LOXHD1: variants seen among roughly 807,000 people sequenced by gnomAD.
The protein encoded by LOXHD1 is lipoxygenase homology PLAT domains 1, also known as lipoxygenase homology domain-containing protein 1.
A neutral mutation model predicts 248.2 loss-of-function variants in LOXHD1; 205 were observed. The ratio of observed to expected loss-of-function variants is 0.83; its 90% CI spans 0.74 to 0.93. The LOEUF is 0.93. LOXHD1 is among the 40% of genes least tolerant of loss of function. LOXHD1 has a pLI of 0.00. For synonymous variants in LOXHD1, 1,113 were observed against 1,162.8 expected, an observed-to-expected ratio of 0.96 and a Z score of 0.87; for missense variants, 2,930 against 2,971.6, an observed-to-expected ratio of 0.99 and a Z score of 0.33.
At chr18:46,548,798 A>G (rs2036960201) in intron 21 of LOXHD1, among the ~76,000 whole-genome samples, 1 of 152,144 alleles carries the variant, frequency 6.6e-6, no homozygotes, top group Non-Finnish European at 1.5e-5. Context: ...AAAAAAGTCA[A>G]AGAGACAGAA....
chr18:46,542,194 G>A (rs1371490138), intron 24 of LOXHD1, among the ~76,000 whole-genome samples: 2 of 152,224 alleles, frequency 1.3e-5, no homozygotes, highest in African/African-American at 4.8e-5. Flanking sequence ...GATGACAGGA[G>A]AGTAGGGGGA....
At chr18:46,613,573 A>G (rs190891285) in intron 5 of LOXHD1, among the ~76,000 whole-genome samples, 2 of 152,170 alleles carry the variant, frequency 1.3e-5, no homozygotes, top group East Asian at 3.9e-4. Context: ...TTCTGGCCCT[A>G]GGACCTCTAG....
intron 36 of LOXHD1, among the ~76,000 whole-genome samples, chr18:46,507,003 C>T (rs949947757): frequency 1.3e-5 from 2 of 152,208 alleles, no homozygotes; most frequent in Non-Finnish European, 1.5e-5. Flanking sequence ...CCTCTGGGTG[C>T]CCTGTCTGCC....
intron 33 of LOXHD1, 82 bp downstream of exon 33, chr18:46,521,015 C>T (rs947236616): frequency 1.3e-5 from 19 of 1,467,396 alleles, no homozygotes; most frequent in Non-Finnish European, 1.7e-5. Flanking sequence ...CCTACTTCTT[C>T]CACTTCTGTC....
chr18:46,560,190 T>A lies in LOXHD1; in HGVS notation c.2954A>T (p.Glu985Val). The part of the protein sequence containing the change: ...EEEEFGPGMQ[E>V]VIEQHKFEAH... The stretch of plus-strand genomic sequence containing the variant: ...TTCGAACTTGTGCTGCTCAATCACC[T>A]CCTGCATCCCCGGCCCAAACTCCTC... Residue 985 changes from glutamate to valine, a missense_variant, in exon 19 of 41, where the codon GAG (glutamate) becomes GTG (valine). Glu to Val is a moderately radical substitution (Grantham distance 121). Transcript: ENST00000642948. 1 of 1,551,576 alleles carries A rather than the reference T, an allele frequency of 6.4e-7. No individual in the cohort carries two copies. The highest frequency in any genetic ancestry group is 8.7e-7 in the Non-Finnish European group (1 of 1,146,982).
intron 14 of LOXHD1, among the ~76,000 whole-genome samples, chr18:46,572,439 A>G (rs1252050425): frequency 6.6e-6 from 1 of 152,092 alleles, no homozygotes; most frequent in Non-Finnish European, 1.5e-5. Flanking sequence ...AGACCAGGAG[A>G]AAAAGGAAGA....
intron 40 of LOXHD1, among the ~76,000 whole-genome samples, chr18:46,479,910 A>G (rs1279010465): frequency 6.6e-6 from 1 of 152,144 alleles, no homozygotes; most frequent in East Asian, 1.9e-4. Flanking sequence ...TGAGACTTGA[A>G]GAAGAAAAGT....
At chr18:46,626,447 A>C (rs1390391821) in intron 4 of LOXHD1, among the ~76,000 whole-genome samples, 1 of 152,244 alleles carries the variant, frequency 6.6e-6, no homozygotes, top group South Asian at 2.1e-4. Context: ...CTGAGGCAGG[A>C]GAATCACCTG....
intron 23 of LOXHD1, among the ~76,000 whole-genome samples, 161 bp downstream of exon 23, chr18:46,545,156 T>G (rs1283987317): frequency 1.3e-5 from 2 of 152,054 alleles, no homozygotes; most frequent in Non-Finnish European, 2.9e-5. Flanking sequence ...AAAAGAAAAT[T>G]TTTAGAAAAA....
At chr18:46,506,526 C>T (rs12970010) in intron 36 of LOXHD1, among the ~76,000 whole-genome samples, 9,717 of 152,206 alleles carry the variant, frequency 0.064, 425 homozygotes, top group African/African-American at 0.11. Context: ...AAGGGGTGAC[C>T]CAGTGAAGCT....
At chr18:46,562,752 C>T (rs917740410) in intron 18 of LOXHD1, among the ~76,000 whole-genome samples, 10 of 152,164 alleles carry the variant, frequency 6.6e-5, no homozygotes, top group African/African-American at 2.4e-4. Context: ...TTTCAACGTA[C>T]ACCCAGAAAA....
chr18:46,591,390 T>C (rs2144227517), intron 12 of LOXHD1, among the ~76,000 whole-genome samples: 1 of 152,358 alleles, frequency 6.6e-6, no homozygotes, highest in South Asian at 2.1e-4. Flanking sequence ...GGGCATGTGC[T>C]CTGTATTTAC....
chr18:46,609,961 C>A (rs992047293), intron 6 of LOXHD1, among the ~76,000 whole-genome samples: 6 of 152,206 alleles, frequency 3.9e-5, no homozygotes, highest in African/African-American at 1.2e-4. Flanking sequence ...TTTTTGCTTT[C>A]TTCTTGATTC....
chr18:46,559,854 T>C (rs1464132850), intron 19 of LOXHD1, among the ~76,000 whole-genome samples: 9 of 152,192 alleles, frequency 5.9e-5, no homozygotes, highest in Admixed American at 5.2e-4. Context: ...CCCAAAGTCA[T>C]CAATTCTTCC....
At chr18:46,540,113 G>A (rs1309655881) in intron 25 of LOXHD1, among the ~76,000 whole-genome samples, 1 of 152,204 alleles carries the variant, frequency 6.6e-6, no homozygotes, top group African/African-American at 2.4e-5. Flanking sequence ...GAGGGAGTAG[G>A]TATTATTACA....
chr18:46,605,883 T>C (rs2038405545), intron 6 of LOXHD1, among the ~76,000 whole-genome samples: 1 of 152,228 alleles, frequency 6.6e-6, no homozygotes, highest in South Asian at 2.1e-4. Flanking sequence ...CCACCTCATT[T>C]GAGGTTGGGT....
intron 12 of LOXHD1, among the ~76,000 whole-genome samples, chr18:46,586,887 T>C (rs1207041254): frequency 6.6e-6 from 1 of 152,242 alleles, no homozygotes; most frequent in East Asian, 1.9e-4. Flanking sequence ...GACCATTTTA[T>C]TTGGAGATAT....
intron 14 of LOXHD1, among the ~76,000 whole-genome samples, chr18:46,577,133 A>G (rs541909367): frequency 6.6e-6 from 1 of 152,314 alleles, no homozygotes; most frequent in Admixed American, 6.5e-5. Flanking sequence ...AAATGTGGAG[A>G]GCCACCATGA....
At chr18:46,610,117 G>A (rs1012371634) in intron 6 of LOXHD1, among the ~76,000 whole-genome samples, 1 of 152,194 alleles carries the variant, frequency 6.6e-6, no homozygotes, top group Non-Finnish European at 1.5e-5. Flanking sequence ...AGTTTCATGG[G>A]AGGGAGAGGT....
Sources: allele counts gnomAD v4.1 joint callset (sites outside exome capture counted in the v4.1 genomes callset), GRCh38; gene constraint gnomAD v4.1.1; transcripts MANE v1.5; gene names NCBI Gene and HGNC (gene_info 2026-07-23, HGNC 2026-07-21).